Variants in CHST15 observed in about 807,000 individuals in gnomAD.
CHST15 encodes the protein carbohydrate sulfotransferase 15, also known as B cell RAG associated protein (GALNAC4S-6ST).
Under a neutral mutation model 53.6 loss-of-function variants are expected in CHST15, and 30 were observed. The observed-to-expected ratio is 0.56, with a 90% CI of 0.42 to 0.76. CHST15 has a LOEUF of 0.76. Ranked by LOEUF, CHST15 falls within the 30% of genes least tolerant of loss-of-function variation. The pLI, the probability that CHST15 is intolerant of heterozygous loss-of-function variation, is 0.00. For synonymous variants in CHST15, 296 were observed against 289.8 expected, an observed-to-expected ratio of 1.02 and a Z score of -0.22; for missense variants, 627 against 740.5, an observed-to-expected ratio of 0.85 and a Z score of 1.78.
intron 5 of CHST15, among the ~76,000 whole-genome samples, chr10:124,025,554 G>T (rs1044506188): frequency 6.6e-6 from 1 of 152,214 alleles, no homozygotes; most frequent in East Asian, 1.9e-4. Flanking sequence ...ACAGGGACTA[G>T]ATTCACCACA....
intron 1 of CHST15, among the ~76,000 whole-genome samples, chr10:124,086,203 A>C (rs780861082): frequency 6.6e-6 from 1 of 152,376 alleles, no homozygotes; most frequent in African/African-American, 2.4e-5. Context: ...TTCCTACAGC[A>C]GACAACAACA....
intron 1 of CHST15, among the ~76,000 whole-genome samples, chr10:124,092,122 A>G (rs1036273542): frequency 6.6e-6 from 1 of 151,962 alleles, no homozygotes; most frequent in Non-Finnish European, 1.5e-5. Flanking sequence ...CGGCGCCTCT[A>G]TCCTGCCATC....
In CHST15 at chr10:124,038,053, G is replaced by A. The variant is rs141497713; in HGVS notation, c.1190+462C>T. ...GGACAGCCTCAAGAATAACACTTACGTAAGAAACAGCAGTAACGTTGCAAG... is the reference window on the plus strand; with the variant it reads ...GGACAGCCTCAAGAATAACACTTACATAAGAAACAGCAGTAACGTTGCAAG... On this transcript the variant is annotated intron_variant, in intron 5 of 7. Coordinates refer to ENST00000435907, the MANE Select transcript of CHST15 (RefSeq NM_001270764.2). Among the ~76,000 whole-genome samples the A allele has an allele frequency of 5.1e-4, 78 of 152,136 alleles. No individual in the cohort carries two copies. In the East Asian group the frequency reaches 8.5e-3, roughly 17 times the overall value.
In CHST15 at chr10:124,012,498, G is replaced by A; in HGVS notation, c.1348-18C>T. ...AGCCTCACCTAGGACCACAGAAGAA[G>A]GGCATTATTTCAGGAGCAGTTGCCC... On this transcript the variant is annotated intron_variant, in intron 6 of 7. Transcript: ENST00000435907. The A allele has an allele frequency of 6.2e-7, 1 of 1,602,002 alleles. No homozygotes were observed. The highest frequency in any genetic ancestry group is 8.5e-7 in the Non-Finnish European group (1 of 1,171,088).
At chr10:124,050,232 C>T (rs1948144152) in intron 1 of CHST15, among the ~76,000 whole-genome samples, 2 of 152,252 alleles carry the variant, frequency 1.3e-5, no homozygotes, top group Admixed American at 6.5e-5. Flanking sequence ...CCCTGACGGG[C>T]GCGAGTGGTG....
intron 1 of CHST15, among the ~76,000 whole-genome samples, chr10:124,078,751 T>C (rs1949153176): frequency 6.6e-6 from 1 of 152,220 alleles, no homozygotes; most frequent in Non-Finnish European, 1.5e-5. Context: ...AAAATGCTTC[T>C]AAAATGCTGT....
Position 124,029,297 on chromosome 10 carries a change from G to T in CHST15, c.1191-7885C>A, listed in dbSNP as rs867308749. On this transcript the variant is annotated intron_variant, in intron 5 of 7. Transcript: ENST00000435907. ...CAGGACTGGCCAGGCCAGCTGATCT[G>T]GAGGGAATGTCCAAGGTCACCTTAG... Among the ~76,000 whole-genome samples, 4 of 152,350 alleles carry T rather than the reference G, an allele frequency of 2.6e-5. No homozygotes were observed. The Middle Eastern group carries it at 0.01, about 389-fold the overall frequency.
chr10:124,091,429 C>T (rs971730168), intron 1 of CHST15, among the ~76,000 whole-genome samples: 6 of 152,166 alleles, frequency 3.9e-5, no homozygotes, highest in African/African-American at 1.4e-4. Context: ...CTCTAGGCCT[C>T]AGTTTACTTC....
At chr10:124,020,632 T>C in intron 6 of CHST15, 2 of 988,344 alleles carry the variant, frequency 2.0e-6, no homozygotes, top group Non-Finnish European at 2.4e-6. Flanking sequence ...GCAGCGGCAA[T>C]GCTCGCTGCA....
chr10:124,033,396 C>T (rs1393196087), intron 5 of CHST15, among the ~76,000 whole-genome samples: 1 of 152,220 alleles, frequency 6.6e-6, no homozygotes, highest in Non-Finnish European at 1.5e-5. Context: ...AAAGCCCAGG[C>T]CCCAGTTTCC....
intron 4 of CHST15, 90 bp downstream of exon 4, chr10:124,042,210 TG>T: frequency 7.4e-7 from 1 of 1,346,846 alleles, no homozygotes; most frequent in Non-Finnish European, 1.0e-6. Flanking sequence ...GTAAATGTTC[TG>T]GAGGTGAAGC....
chr10:124,012,375 C>T lies in CHST15; in HGVS notation c.1453G>A (p.Val485Ile), dbSNP rs1403959315. 7 of 1,613,950 alleles carry T rather than the reference C, an allele frequency of 4.3e-6. No homozygotes were observed. The highest frequency in any genetic ancestry group is 3.3e-5 in the South Asian group (3 of 91,080). ...ILRLEDHASN[V>I]KYTMHKVFQF... The stretch of plus-strand genomic sequence containing the variant: ...AAGACCTTGTGCATGGTGTACTTGA[C>T]GTTGGATGCATGATCTTCCAGGCGA... The change falls in exon 7 of 8, where the codon GTC becomes ATC. Residue 485 changes from valine (V) to isoleucine (I), a missense_variant. Physicochemically the swap from Val to Ile is conservative, Grantham distance 29. Coordinates refer to ENST00000435907, the MANE Select transcript of CHST15 (RefSeq NM_001270764.2).
At chr10:124,089,859 C>G (rs1265380117) in intron 1 of CHST15, among the ~76,000 whole-genome samples, 3 of 152,196 alleles carry the variant, frequency 2.0e-5, no homozygotes, top group Non-Finnish European at 4.4e-5. Flanking sequence ...CTAGCCCCGC[C>G]AAATCATCCC....
At chr10:124,020,127 A>C in intron 6 of CHST15, 1 of 985,540 alleles carries the variant, frequency 1.0e-6, no homozygotes, top group Non-Finnish European at 1.2e-6. Flanking sequence ...TGGCCCCAGG[A>C]CCCAGCGTCA....
chr10:124,039,279 G>A (rs1350109041), intron 4 of CHST15, among the ~76,000 whole-genome samples: 1 of 152,166 alleles, frequency 6.6e-6, no homozygotes, highest in East Asian at 1.9e-4. Flanking sequence ...AAAGAGCTGG[G>A]GCAGAGCTGA....
intron 1 of CHST15, among the ~76,000 whole-genome samples, chr10:124,058,896 T>C (rs1948470576): frequency 6.6e-6 from 1 of 151,978 alleles, no homozygotes. Context: ...CAGGCTGGGG[T>C]TGATATGGAT....
At chr10:124,039,909 T>C (rs1947673237) in intron 4 of CHST15, among the ~76,000 whole-genome samples, 1 of 152,180 alleles carries the variant, frequency 6.6e-6, no homozygotes, top group African/African-American at 2.4e-5. Context: ...GCCAGATGAC[T>C]GAGTCTCTTT....
At chr10:124,031,330 G>A (rs902651947) in intron 5 of CHST15, among the ~76,000 whole-genome samples, 3 of 152,168 alleles carry the variant, frequency 2.0e-5, no homozygotes, top group Non-Finnish European at 4.4e-5. Context: ...CTTAACAGCA[G>A]GGATATATAT....
At chr10:124,059,645 G>A (rs893703813) in intron 1 of CHST15, among the ~76,000 whole-genome samples, 27 of 152,110 alleles carry the variant, frequency 1.8e-4, no homozygotes, top group Non-Finnish European at 2.4e-4. Context: ...TAGCTCACAC[G>A]TTCAAAACCA....
Sources: gnomAD v4.1 joint callset for allele counts (sites outside exome capture counted in the v4.1 genomes callset) on GRCh38, gnomAD v4.1.1 for gene constraint, MANE v1.5 for transcripts, NCBI Gene and HGNC (gene_info 2026-07-23, HGNC 2026-07-21) for gene names.